The following POFUT3 variants were observed in gnomAD, a reference collection of about 807,000 sequenced individuals.
POFUT3 encodes GDP-fucose protein O-fucosyltransferase 3.
chr8:33,346,530 T>C, the POFUT3 span, among the ~76,000 whole-genome samples: 5 of 152,348 alleles, frequency 3.3e-5, no homozygotes, highest in African/African-American at 9.6e-5. Context: ...TCAGAGCTTA[T>C]TGCAGAATTA....
At chr8:33,357,413 G>T in the POFUT3 span, among the ~76,000 whole-genome samples, 1 of 151,728 alleles carries the variant, frequency 6.6e-6, no homozygotes, top group Non-Finnish European at 1.5e-5. Context: ...CCAAGGAGTT[G>T]TTCTTGGTTA....
chr8:33,411,905 G>A, the POFUT3 span, among the ~76,000 whole-genome samples: 7 of 152,212 alleles, frequency 4.6e-5, no homozygotes, highest in East Asian at 1.9e-4. Context: ...ACTGGGCAGC[G>A]CCAGAGAACT....
At chr8:33,380,477 AT>A in the POFUT3 span, among the ~76,000 whole-genome samples, 3 of 151,402 alleles carry the variant, frequency 2.0e-5, no homozygotes, top group Non-Finnish European at 4.4e-5. Context: ...GATGGTTTAT[AT>A]GTAGAAAACA....
At chr8:33,358,203 G>A in the POFUT3 span, among the ~76,000 whole-genome samples, 1 of 152,170 alleles carries the variant, frequency 6.6e-6, no homozygotes, top group Non-Finnish European at 1.5e-5. Context: ...CAGTGAGCCA[G>A]GATGGTGCCA....
At chr8:33,349,294 T>G in the POFUT3 span, among the ~76,000 whole-genome samples, 1 of 152,204 alleles carries the variant, frequency 6.6e-6, no homozygotes, top group Non-Finnish European at 1.5e-5. Context: ...TAAAAAAATT[T>G]TTTTTGATAG....
At chr8:33,338,700 T>C in the POFUT3 span, among the ~76,000 whole-genome samples, 1 of 152,106 alleles carries the variant, frequency 6.6e-6, no homozygotes, top group African/African-American at 2.4e-5. Flanking sequence ...ACACTGCCCA[T>C]CAGTAGTGAA....
chr8:33,335,892 T>C, the POFUT3 span, among the ~76,000 whole-genome samples: 13 of 152,184 alleles, frequency 8.5e-5, no homozygotes, highest in East Asian at 2.3e-3. Context: ...GGAGGAGGAA[T>C]AAGAGGGGTT....
chr8:33,324,834 A>G, the POFUT3 span, among the ~76,000 whole-genome samples: 1 of 151,542 alleles, frequency 6.6e-6, no homozygotes, highest in Admixed American at 6.6e-5. Flanking sequence ...TCTTACCCTC[A>G]TCCAGTCACT....
chr8:33,355,855 T>C, the POFUT3 span, among the ~76,000 whole-genome samples: 11 of 152,278 alleles, frequency 7.2e-5, no homozygotes, highest in Middle Eastern at 6.8e-3. Flanking sequence ...CAGAGTGTGA[T>C]GTTCCCCTTT....
At chr8:33,454,433 G>A in the POFUT3 span, among the ~76,000 whole-genome samples, 2 of 152,122 alleles carry the variant, frequency 1.3e-5, no homozygotes, top group Non-Finnish European at 2.9e-5. Context: ...GTGATTACAT[G>A]GGGTCCACAT....
At chr8:33,318,125 G>A in the POFUT3 span, among the ~76,000 whole-genome samples, 1 of 151,978 alleles carries the variant, frequency 6.6e-6, no homozygotes, top group Non-Finnish European at 1.5e-5. Flanking sequence ...CTATGCATTG[G>A]ACCAGCTTCT....
At chr8:33,411,544 T>G in the POFUT3 span, among the ~76,000 whole-genome samples, 1 of 152,154 alleles carries the variant, frequency 6.6e-6, no homozygotes, top group African/African-American at 2.4e-5. Flanking sequence ...ATCCCAGCAC[T>G]TTGGGAGGCC....
chr8:33,383,418 C>T, the POFUT3 span, among the ~76,000 whole-genome samples: 7 of 152,302 alleles, frequency 4.6e-5, no homozygotes, highest in African/African-American at 1.7e-4. Context: ...CAGCACTCAA[C>T]ACCTAAGTGA....
At chr8:33,473,121 A>G in the POFUT3 span, 4 of 151,948 alleles carry the variant, frequency 2.6e-5, no homozygotes, top group African/African-American at 7.3e-5. Context: ...TCTCCCTATG[A>G]GCCCAAGCCT....
At chr8:33,405,874 T>C in the POFUT3 span, among the ~76,000 whole-genome samples, 1 of 152,222 alleles carries the variant, frequency 6.6e-6, no homozygotes, top group Non-Finnish European at 1.5e-5. Flanking sequence ...CAGTTTGTGA[T>C]TTGAGCTTAC....
At chr8:33,347,055 A>G in the POFUT3 span, among the ~76,000 whole-genome samples, 2 of 152,204 alleles carry the variant, frequency 1.3e-5, no homozygotes, top group Non-Finnish European at 2.9e-5. Context: ...ACTCTCTGAC[A>G]CTTAGCAATA....
the POFUT3 span, among the ~76,000 whole-genome samples, chr8:33,395,699 G>A: frequency 2.0e-5 from 3 of 152,102 alleles, no homozygotes; most frequent in Admixed American, 6.5e-5. Flanking sequence ...ATCCACGGAC[G>A]ACAAGTGCTA....
chr8:33,462,824 A>C, the POFUT3 span, among the ~76,000 whole-genome samples: 1 of 152,062 alleles, frequency 6.6e-6, no homozygotes, highest in African/African-American at 2.4e-5. Flanking sequence ...CCAGCTACTC[A>C]GGAAGCTGAA....
chr8:33,440,989 G>C, the POFUT3 span, among the ~76,000 whole-genome samples: 2 of 151,932 alleles, frequency 1.3e-5, no homozygotes, highest in Non-Finnish European at 2.9e-5. Context: ...ATCTAGATAA[G>C]GTATATCAAA....
Sources: allele counts gnomAD v4.1 joint callset (sites outside exome capture counted in the v4.1 genomes callset), GRCh38; gene constraint gnomAD v4.1.1; transcripts MANE v1.5; gene names NCBI Gene and HGNC (gene_info 2026-07-23, HGNC 2026-07-21).